AP2A2: variants seen among roughly 807,000 people sequenced by gnomAD.
The protein encoded by AP2A2 is adaptor related protein complex 2 subunit alpha 2.
A neutral mutation model predicts 104.2 loss-of-function variants in AP2A2; 32 were observed. The ratio of observed to expected loss-of-function variants is 0.31; its 90% confidence interval spans 0.23 to 0.41. The LOEUF is 0.41. AP2A2 is among the 10% of genes least tolerant of loss of function. AP2A2 has a pLI of 1.00. For missense variants in AP2A2, 912 were observed against 1,261.0 expected (o/e 0.72, Z 4.19); for synonymous variants, 539 against 533.3 (o/e 1.01, Z -0.15).
At chr11:939,010 T>G (rs891561486) in intron 1 of AP2A2, among the ~76,000 whole-genome samples, 1 of 151,928 alleles carries the variant, frequency 6.6e-6, no homozygotes, top group Non-Finnish European at 1.5e-5. Context: ...TCCTAGCACT[T>G]TGGGAGGCCG....
rs1252633271 is a variant in AP2A2, at chr11:992,675, C to G, written c.1442C>G (p.Thr481Ser). The stretch of plus-strand genomic sequence containing the variant: ...GACGTGCAGGGCTACGCGGCCAAGA[C>G]TGTGTTCGAGGTATGGCCCGCAGGA... ...RDDVQGYAAK[T>S]VFEALQAPAC... Residue 481 changes from threonine to serine, a missense_variant, in exon 11 of 22, where the codon ACT (threonine) becomes AGT (serine). Around this residue, in one of 7 missense-constraint regions of AP2A2, gnomAD observed 21 missense variants for 62.0 expected, o/e 0.34. Transcript: ENST00000448903. This position sits in a 1 kb window ranked among gnomAD's most constrained non-coding sequence, Gnocchi z 6.4. The G allele has an allele frequency of 6.2e-7, 1 of 1,613,874 alleles. No homozygotes were observed. The highest frequency in any genetic ancestry group is 2.2e-5 in the East Asian group (1 of 44,870).
intron 1 of AP2A2, among the ~76,000 whole-genome samples, chr11:951,944 T>C (rs1461406094): frequency 1.4e-5 from 2 of 147,526 alleles, no homozygotes; most frequent in African/African-American, 5.0e-5. Context: ...CCTGGCTCAC[T>C]GGAGTGTTGA....
intron 4 of AP2A2, among the ~76,000 whole-genome samples, chr11:976,620 C>G (rs1855048306): frequency 2.6e-5 from 4 of 152,030 alleles, no homozygotes; most frequent in Admixed American, 2.0e-4. Flanking sequence ...TCTGTAGGGA[C>G]CCGAAGCCCT....
At chr11:949,211 G>A (rs1853953574) in intron 1 of AP2A2, among the ~76,000 whole-genome samples, 1 of 152,252 alleles carries the variant, frequency 6.6e-6, no homozygotes, top group African/African-American at 2.4e-5. Context: ...GAGAGGCGGA[G>A]GTTGCAGTGA....
At chr11:961,268 T>TGAA (rs1854425812) in intron 2 of AP2A2, among the ~76,000 whole-genome samples, 1 of 88,260 alleles carries the variant, frequency 1.1e-5, no homozygotes, top group African/African-American at 4.3e-5. Context: ...CAGAAGCAGA[T>TGAA]GATGTGGGTC....
intron 1 of AP2A2, among the ~76,000 whole-genome samples, chr11:933,363 G>A (rs1853350926): frequency 6.6e-6 from 1 of 152,208 alleles, no homozygotes; most frequent in Non-Finnish European, 1.5e-5. Context: ...TGCTGATTCT[G>A]GCAGCATGTT....
intron 3 of AP2A2, among the ~76,000 whole-genome samples, 162 bp from the exon 4 acceptor site, chr11:971,900 G>A (rs1038431064): frequency 1.3e-5 from 2 of 152,182 alleles, no homozygotes; most frequent in African/African-American, 4.8e-5. Flanking sequence ...ACAGACGTTT[G>A]CCGAATCCTG....
In AP2A2 at chr11:993,414, C is replaced by G. The variant is rs780716074; in HGVS notation, c.1550+33C>G. The stretch of plus-strand genomic sequence containing the variant: ...GCCCTTTGCGAGTCGGGGCTGTGTG[C>G]GCTCCGGCGGGCCTCTCGGTGGTCG... On this transcript the variant is annotated intron_variant, in intron 12 of 21. Coordinates refer to ENST00000448903, the MANE Select transcript of AP2A2 (RefSeq NM_012305.4). The surrounding 1 kb of genome is among the most constrained non-coding windows in gnomAD (Gnocchi z 8.2). 6.5e-7 allele frequency: 1 copy of G among 1,536,330 alleles called. No individual in the cohort carries two copies. The highest frequency in any genetic ancestry group is 1.4e-5 in the African/African-American group (1 of 72,286).
At chr11:936,425 T>G (rs1419154167) in intron 1 of AP2A2, among the ~76,000 whole-genome samples, 1 of 151,878 alleles carries the variant, frequency 6.6e-6, no homozygotes, top group Non-Finnish European at 1.5e-5. Context: ...CAGGGTCTCA[T>G]TCGCATTGCC....
At chr11:960,745 C>T (rs1395746876) in intron 2 of AP2A2, among the ~76,000 whole-genome samples, 3 of 151,866 alleles carry the variant, frequency 2.0e-5, no homozygotes, top group African/African-American at 2.4e-5. Flanking sequence ...CTTGAGCTCC[C>T]GACCTCAAGT....
At chr11:1,000,692 G>T (rs963876478) in intron 15 of AP2A2, 94 bp downstream of exon 15, 1 of 1,361,550 alleles carries the variant, frequency 7.3e-7, no homozygotes, top group African/African-American at 1.5e-5. Flanking sequence ...GAGGTGGGCA[G>T]CGGAGTTTAC....
chr11:986,460 C>G (rs1855460735), intron 8 of AP2A2, among the ~76,000 whole-genome samples: 1 of 152,232 alleles, frequency 6.6e-6, no homozygotes, highest in Non-Finnish European at 1.5e-5. Context: ...GCTGAGACCC[C>G]ATTGCCGGTC....
chr11:997,293 C>A (rs1054883318), intron 14 of AP2A2, among the ~76,000 whole-genome samples: 1 of 152,186 alleles, frequency 6.6e-6, no homozygotes, highest in Admixed American at 6.5e-5. Flanking sequence ...TGCTGGGGAG[C>A]ACAGGGGTGT....
intron 9 of AP2A2, among the ~76,000 whole-genome samples, chr11:987,261 A>G (rs1302403423): frequency 6.6e-6 from 1 of 152,206 alleles, no homozygotes; most frequent in East Asian, 1.9e-4. Context: ...ACAAGTAGAA[A>G]TGGTTCTTCT....
At chr11:949,454 G>A (rs1445473393) in intron 1 of AP2A2, among the ~76,000 whole-genome samples, 2 of 152,118 alleles carry the variant, frequency 1.3e-5, no homozygotes, top group Non-Finnish European at 2.9e-5. Flanking sequence ...CCAAATGCTA[G>A]CCAGTTGAAT....
chr11:993,669 C>T lies in AP2A2; in HGVS notation c.1551-85C>T. 9.3e-7 allele frequency: 1 copy of T among 1,077,036 alleles called. No homozygotes were observed. The highest frequency in any genetic ancestry group is 1.3e-6 in the Non-Finnish European group (1 of 746,952). 66.7% of individuals were successfully genotyped at this position (1,077,036 alleles called of 1,614,324 possible). ...CGGCCTCTGGTGCAGGCCAGGGGGT[C>T]TCGCCGCCGTCCCCCCCCCGCGGGG... On this transcript the variant is annotated intron_variant, in intron 12 of 21. Coordinates refer to ENST00000448903, the MANE Select transcript of AP2A2 (RefSeq NM_012305.4). The surrounding 1 kb of genome is among the most constrained non-coding windows in gnomAD (Gnocchi z 8.2).
intron 1 of AP2A2, among the ~76,000 whole-genome samples, chr11:957,459 C>G (rs1333764106): frequency 6.6e-6 from 1 of 152,192 alleles, no homozygotes; most frequent in Admixed American, 6.5e-5. Flanking sequence ...GGGGCAGGGC[C>G]CCTTCAGAAA....
chr11:996,824 C>T (rs1298778765), intron 14 of AP2A2, among the ~76,000 whole-genome samples: 1 of 133,570 alleles, frequency 7.5e-6, no homozygotes, highest in Non-Finnish European at 1.7e-5. Context: ...CCGAGGCACG[C>T]AGCTCTGTTC....
chr11:973,677 C>T (rs1325368445), intron 4 of AP2A2, among the ~76,000 whole-genome samples: 1 of 141,104 alleles, frequency 7.1e-6, no homozygotes, highest in Non-Finnish European at 1.6e-5. Context: ...TCACAGGGCG[C>T]TGGTGCAGGA....
Sources: gnomAD v4.1 joint callset for allele counts (sites outside exome capture counted in the v4.1 genomes callset) on GRCh38, gnomAD v4.1.1 for gene constraint, gnomAD v4.1.1 regional missense constraint, Gnocchi (gnomAD v3.1) non-coding constraint, MANE v1.5 for transcripts, NCBI Gene and HGNC (gene_info 2026-07-23, HGNC 2026-07-21) for gene names.